The following ADGRL3 variants were observed in gnomAD, a reference collection of about 807,000 sequenced individuals.
ADGRL3 encodes the protein calcium-independent alpha-latrotoxin receptor 3.
A neutral mutation model predicts 153.5 loss-of-function variants in ADGRL3; 62 were observed. That is an observed-to-expected ratio of 0.40 (90% CI 0.33 to 0.50). ADGRL3 has a LOEUF of 0.50. Among genes scored for constraint, ADGRL3 ranks in the 20% least tolerant of loss-of-function variants. The pLI is 0.47. For missense variants in ADGRL3, 1,641 were observed against 1,859.4 expected, an observed-to-expected ratio of 0.88 and a Z score of 2.16; for synonymous variants, 710 against 672.5, an observed-to-expected ratio of 1.06 and a Z score of -0.86.
At chr4:61,402,024 A>C (rs1164981502) in intron 2 of ADGRL3, among the ~76,000 whole-genome samples, 1 of 152,118 alleles carries the variant, frequency 6.6e-6, no homozygotes, top group African/African-American at 2.4e-5. Flanking sequence ...TAAGTAAACA[A>C]ATGAACATAG....
At chr4:61,837,135 G>GA (rs1464914597) in intron 9 of ADGRL3, among the ~76,000 whole-genome samples, 1 of 152,064 alleles carries the variant, frequency 6.6e-6, no homozygotes, top group Non-Finnish European at 1.5e-5. Flanking sequence ...CAGGACTCTG[G>GA]AATAGATTCT....
intron 1 of ADGRL3, among the ~76,000 whole-genome samples, chr4:61,335,923 A>G (rs1378848234): frequency 1.3e-5 from 2 of 152,182 alleles, no homozygotes; most frequent in African/African-American, 2.4e-5. Flanking sequence ...TCAATTAAGT[A>G]TTGTTTACAC....
chr4:61,353,312 A>G (rs1195371670), intron 1 of ADGRL3, among the ~76,000 whole-genome samples: 5 of 152,130 alleles, frequency 3.3e-5, no homozygotes, highest in Admixed American at 3.3e-4. Flanking sequence ...TATTGTGAAT[A>G]TATACATTTT....
chr4:61,820,626 G>T (rs763760774), intron 9 of ADGRL3, among the ~76,000 whole-genome samples: 2 of 152,074 alleles, frequency 1.3e-5, no homozygotes, highest in African/African-American at 2.4e-5. Context: ...TTATAATTTT[G>T]TAGTTAATTT....
chr4:61,519,276 T>C (rs1351446786), intron 4 of ADGRL3, among the ~76,000 whole-genome samples: 3 of 152,178 alleles, frequency 2.0e-5, no homozygotes. Flanking sequence ...TTTTAGTTTT[T>C]GGCATGTATG....
At chr4:61,459,084 A>T (rs7667335) in intron 2 of ADGRL3, among the ~76,000 whole-genome samples, 1,692 of 151,628 alleles carry the variant, frequency 0.011, 33 homozygotes, top group African/African-American at 0.039. Context: ...ATTAAATAAT[A>T]TAGAGAGAAT....
At chr4:61,465,104 T>G (rs11930219) in intron 2 of ADGRL3, among the ~76,000 whole-genome samples, 8 of 152,194 alleles carry the variant, frequency 5.3e-5, no homozygotes, top group Admixed American at 1.3e-4. Flanking sequence ...TAAAATATTG[T>G]GACTATTTCA....
chr4:62,025,767 C>G lies in ADGRL3; in HGVS notation c.3396-3088C>G, dbSNP rs1718172535. 3.3e-5 allele frequency among the ~76,000 whole-genome samples: 5 copies of G among 152,080 alleles called. No individual in the cohort carries two copies. The South Asian group carries it at 8.3e-4, about 25-fold the overall frequency. ...TAACATCTGCTAAGAACATATTAGGCCTTTGCATCCACATTTTTACAAAAT... is the reference window on the plus strand; with the variant it reads ...TAACATCTGCTAAGAACATATTAGGGCTTTGCATCCACATTTTTACAAAAT... On this transcript the variant is annotated intron_variant, in intron 21 of 26. Coordinates refer to ENST00000683033, the MANE Select transcript of ADGRL3 (RefSeq NM_001387552.1).
intron 8 of ADGRL3, among the ~76,000 whole-genome samples, chr4:61,738,360 C>CT (rs2096542904): frequency 6.6e-6 from 1 of 152,070 alleles, no homozygotes; most frequent in Admixed American, 6.5e-5. Flanking sequence ...TTTGCAACTG[C>CT]GAATTGTGCT....
intron 1 of ADGRL3, among the ~76,000 whole-genome samples, chr4:61,248,175 A>G (rs1371747601): frequency 6.6e-6 from 1 of 152,060 alleles, no homozygotes; most frequent in Non-Finnish European, 1.5e-5. Context: ...AGTTAGATCA[A>G]GTGCTGCTGT....
At chr4:61,924,195 C>T (rs955269230) in intron 13 of ADGRL3, among the ~76,000 whole-genome samples, 1 of 152,100 alleles carries the variant, frequency 6.6e-6, no homozygotes, top group African/African-American at 2.4e-5. Flanking sequence ...CACAGCTGAT[C>T]ACCCCCTCTT....
chr4:62,065,816 A>G (rs748500401), intron 25 of ADGRL3, among the ~76,000 whole-genome samples: 22 of 151,990 alleles, frequency 1.4e-4, no homozygotes, highest in Non-Finnish European at 3.1e-4. Context: ...CCAAGGATGG[A>G]ATACTTCTAT....
intron 1 of ADGRL3, among the ~76,000 whole-genome samples, chr4:61,381,145 T>C (rs1409070225): frequency 1.3e-5 from 2 of 151,976 alleles, no homozygotes. Flanking sequence ...AAAGTGTAAA[T>C]GGAAGACTCT....
chr4:61,250,127 A>G (rs1249399486), intron 1 of ADGRL3, among the ~76,000 whole-genome samples: 1 of 152,152 alleles, frequency 6.6e-6, no homozygotes, highest in Non-Finnish European at 1.5e-5. Flanking sequence ...GCCCTATATA[A>G]CTAAGAATTG....
At chr4:61,702,569 G>C (rs1229085449) in intron 6 of ADGRL3, among the ~76,000 whole-genome samples, 1 of 152,046 alleles carries the variant, frequency 6.6e-6, no homozygotes, top group East Asian at 1.9e-4. Flanking sequence ...CCCTGGTTTT[G>C]TGTGAATTTC....
At chr4:61,776,598 G>A (rs1408434083) in intron 8 of ADGRL3, among the ~76,000 whole-genome samples, 1 of 152,000 alleles carries the variant, frequency 6.6e-6, no homozygotes, top group Non-Finnish European at 1.5e-5. Flanking sequence ...ATTCCTATGT[G>A]CTGTACAGAT....
intron 11 of ADGRL3, among the ~76,000 whole-genome samples, chr4:61,901,555 T>G (rs1444496118): frequency 6.6e-6 from 1 of 152,194 alleles, no homozygotes; most frequent in African/African-American, 2.4e-5. Context: ...AATTGTAAGA[T>G]AGAAGCATTT....
chr4:61,905,593 T>G (rs1418042687), intron 11 of ADGRL3, among the ~76,000 whole-genome samples: 1 of 152,070 alleles, frequency 6.6e-6, no homozygotes, highest in Non-Finnish European at 1.5e-5. Context: ...TTTTCTATTT[T>G]AAGAATTTCT....
chr4:61,602,427 T>C (rs1294059031), intron 5 of ADGRL3, among the ~76,000 whole-genome samples: 1 of 152,120 alleles, frequency 6.6e-6, no homozygotes, highest in Non-Finnish European at 1.5e-5. Context: ...ACATTTTTGG[T>C]TGTCACAACT....
Sources: gnomAD v4.1 joint callset for allele counts (sites outside exome capture counted in the v4.1 genomes callset) on GRCh38, gnomAD v4.1.1 for gene constraint, MANE v1.5 for transcripts, NCBI Gene and HGNC (gene_info 2026-07-23, HGNC 2026-07-21) for gene names.